The following NCAM2 variants were observed in gnomAD, a reference collection of about 807,000 sequenced individuals.
NCAM2 encodes the protein N-CAM-2.
NCAM2 carries 30 observed loss-of-function variants against 98.1 expected under a neutral mutation model. The ratio of observed to expected loss-of-function variants is 0.31; its 90% CI spans 0.23 to 0.41. The LOEUF is 0.41. Among genes scored for constraint, NCAM2 ranks in the 10% least tolerant of loss-of-function variants. The pLI is 1.00. For synonymous variants in NCAM2, 368 were observed against 342.4 expected, an observed-to-expected ratio of 1.07 and a Z score of -0.83; for missense variants, 867 against 1,005.8, an observed-to-expected ratio of 0.86 and a Z score of 1.87.
chr21:21,426,860 T>C (rs574069364), intron 11 of NCAM2, among the ~76,000 whole-genome samples: 55 of 152,344 alleles, frequency 3.6e-4, no homozygotes, highest in African/African-American at 1.3e-3. Context: ...ATGAAGATTT[T>C]AGCCTGCAAT....
intron 1 of NCAM2, among the ~76,000 whole-genome samples, chr21:21,074,123 C>T (rs986163579): frequency 3.9e-5 from 6 of 152,110 alleles, no homozygotes; most frequent in Non-Finnish European, 1.5e-5. Context: ...AAAATTGTCA[C>T]TGTGAAAATC....
At chr21:21,244,718 G>A (rs1451572645) in intron 1 of NCAM2, among the ~76,000 whole-genome samples, 1 of 151,474 alleles carries the variant, frequency 6.6e-6, no homozygotes, top group Admixed American at 6.6e-5. Context: ...GTGGTGGCAG[G>A]TGCCTGTAAT....
At chr21:21,480,366 CAAAAAAAAAA>C (rs59203448) in intron 15 of NCAM2, among the ~76,000 whole-genome samples, 1 of 69,976 alleles carries the variant, frequency 1.4e-5, no homozygotes, top group Non-Finnish European at 2.6e-5. Context: ...GACTCCATCT[CAAAAAAAAAA>C]AAAAAAAAAA....
chr21:21,148,933 AT>A (rs1234315397), intron 1 of NCAM2, among the ~76,000 whole-genome samples: 3 of 152,160 alleles, frequency 2.0e-5, no homozygotes, highest in Non-Finnish European at 2.9e-5. Context: ...GCCACAGTGT[AT>A]TTCCAAAAGA....
chr21:21,223,942 AAGAT>A (rs1368241994), intron 1 of NCAM2, among the ~76,000 whole-genome samples: 7 of 152,162 alleles, frequency 4.6e-5, no homozygotes, highest in African/African-American at 9.7e-5. Context: ...AGAGGCCTGA[AAGAT>A]AGCCCATATG....
intron 1 of NCAM2, among the ~76,000 whole-genome samples, chr21:21,101,432 A>G (rs1569023803): frequency 6.6e-6 from 1 of 152,046 alleles, no homozygotes; most frequent in Non-Finnish European, 1.5e-5. Flanking sequence ...GGTGCACACT[A>G]CCTTATTGAT....
chr21:21,512,265 T>C (rs1988435647), intron 16 of NCAM2, among the ~76,000 whole-genome samples: 1 of 152,060 alleles, frequency 6.6e-6, no homozygotes, highest in Non-Finnish European at 1.5e-5. Context: ...GATTTGTTCT[T>C]TGTATATGGC....
intron 5 of NCAM2, among the ~76,000 whole-genome samples, chr21:21,318,382 A>G (rs974808259): frequency 2.0e-5 from 3 of 152,176 alleles, no homozygotes; most frequent in Non-Finnish European, 4.4e-5. Context: ...TGACAAAAAT[A>G]AAGTCACAGT....
intron 1 of NCAM2, among the ~76,000 whole-genome samples, chr21:21,250,527 A>T (rs1222519651): frequency 1.3e-5 from 2 of 152,230 alleles, no homozygotes; most frequent in Non-Finnish European, 2.9e-5. Context: ...ATGGGTCAGT[A>T]AGTCTAAGGC....
intron 10 of NCAM2, among the ~76,000 whole-genome samples, chr21:21,415,074 G>A (rs980596136): frequency 2.0e-5 from 3 of 151,880 alleles, no homozygotes; most frequent in Non-Finnish European, 4.4e-5. Flanking sequence ...AGGCAGAGTC[G>A]ATTTAGCATA....
intron 1 of NCAM2, among the ~76,000 whole-genome samples, chr21:21,177,338 A>G (rs1430795074): frequency 6.7e-6 from 1 of 148,774 alleles, no homozygotes; most frequent in East Asian, 2.0e-4. Context: ...CCCATCATAT[A>G]TCTCTGACTC....
chr21:21,028,763 T>TA (rs1192152064), intron 1 of NCAM2, among the ~76,000 whole-genome samples: 2 of 152,194 alleles, frequency 1.3e-5, no homozygotes, highest in Non-Finnish European at 2.9e-5. Context: ...TACTCTTCTG[T>TA]AAAAATCAGT....
chr21:21,278,178 A>C (rs2147478041), intron 1 of NCAM2, among the ~76,000 whole-genome samples: 1 of 151,758 alleles, frequency 6.6e-6, no homozygotes, highest in Non-Finnish European at 1.5e-5. Flanking sequence ...TTTTTTTCAA[A>C]CTTGTAATAT....
intron 1 of NCAM2, among the ~76,000 whole-genome samples, chr21:21,017,561 A>C (rs1292247752): frequency 6.6e-6 from 1 of 152,004 alleles, no homozygotes; most frequent in Non-Finnish European, 1.5e-5. Flanking sequence ...GCGATTATGC[A>C]GACTCACTAA....
chr21:21,096,470 A>G (rs2066126096), intron 1 of NCAM2, among the ~76,000 whole-genome samples: 1 of 151,782 alleles, frequency 6.6e-6, no homozygotes, highest in South Asian at 2.1e-4. Flanking sequence ...CCTCTTAGAA[A>G]TGTGTAGAAA....
chr21:21,237,491 A>G (rs2070878757), intron 1 of NCAM2, among the ~76,000 whole-genome samples: 1 of 152,120 alleles, frequency 6.6e-6, no homozygotes, highest in African/African-American at 2.4e-5. Context: ...TTTTCTATGA[A>G]TTAGGAGGAA....
intron 9 of NCAM2, among the ~76,000 whole-genome samples, chr21:21,398,673 A>G (rs1019115264): frequency 6.6e-6 from 1 of 152,180 alleles, no homozygotes; most frequent in African/African-American, 2.4e-5. Flanking sequence ...TTAAAGTAGA[A>G]ACTGGTAGGT....
At chr21:21,385,947 T>C (rs2076262878) in intron 9 of NCAM2, among the ~76,000 whole-genome samples, 1 of 152,168 alleles carries the variant, frequency 6.6e-6, no homozygotes, top group African/African-American at 2.4e-5. Flanking sequence ...TTGCTGCACC[T>C]GCCTTTAATT....
intron 4 of NCAM2, among the ~76,000 whole-genome samples, chr21:21,288,752 G>A (rs555317212): frequency 6.6e-6 from 1 of 151,760 alleles, no homozygotes; most frequent in Non-Finnish European, 1.5e-5. Flanking sequence ...TATGTATGAG[G>A]ATTTAGAATA....
Sources: allele counts gnomAD v4.1 joint callset (sites outside exome capture counted in the v4.1 genomes callset), GRCh38; gene constraint gnomAD v4.1.1; transcripts MANE v1.5; gene names NCBI Gene and HGNC (gene_info 2026-07-23, HGNC 2026-07-21).